GABRB2: variants seen among roughly 807,000 people sequenced by gnomAD.
GABRB2 encodes gamma-aminobutyric acid receptor subunit beta-2.
GABRB2 carries 16 observed loss-of-function variants against 54.7 expected under a neutral mutation model. That is an observed-to-expected ratio of 0.29 (90% CI 0.20 to 0.44). The LOEUF (loss-of-function observed/expected upper bound fraction) is 0.44. GABRB2 is among the 20% of genes least tolerant of loss of function. The probability of loss-of-function intolerance (pLI) is 1.00; values close to 1 mark genes in which losing one functional copy is unlikely to be tolerated. For missense variants in GABRB2, 355 were observed against 644.0 expected (o/e 0.55, Z 4.86); for synonymous variants, 244 against 233.8 (o/e 1.04, Z -0.40).
At chr5:161,329,354 T>C (rs905330374) in intron 8 of GABRB2, 2 of 114,682 alleles carry the variant, frequency 1.7e-5, no homozygotes, top group Non-Finnish European at 3.8e-5. Flanking sequence ...AGAACCATAA[T>C]GGTAAATTGT....
At chr5:161,460,495 C>T (rs1385493546) in intron 3 of GABRB2, among the ~76,000 whole-genome samples, 1 of 152,080 alleles carries the variant, frequency 6.6e-6, no homozygotes, top group Non-Finnish European at 1.5e-5. Flanking sequence ...GGAATAATTA[C>T]CTAATGATTA....
Position 161,289,209 on chromosome 5 carries a change from C to T in GABRB2, c.*4872G>A, listed in dbSNP as rs1475037014. ...ATATTTTACTTCAATTTCCAAAAACCTAGTAGCTTTTTAAGAGTGCTGCTT... is the reference window on the plus strand; with the variant it reads ...ATATTTTACTTCAATTTCCAAAAACTTAGTAGCTTTTTAAGAGTGCTGCTT... On this transcript the variant is annotated 3_prime_UTR_variant, in exon 10 of 10. Transcript: ENST00000393959. 7.9e-6 allele frequency: 1 copy of T among 126,596 alleles called. No individual in the cohort carries two copies. The highest frequency in any genetic ancestry group is 1.6e-5 in the Non-Finnish European group (1 of 63,498). The allele number at this position is 126,596 out of a possible 1,614,324, so 7.8% of individuals were successfully genotyped here. A position where few individuals can be genotyped will look rare whatever the true frequency, so the allele number is the denominator to read the frequency against.
intron 9 of GABRB2, among the ~76,000 whole-genome samples, chr5:161,325,815 C>T (rs2100108725): frequency 6.6e-6 from 1 of 152,056 alleles, no homozygotes; most frequent in South Asian, 2.1e-4. Context: ...TGGTAAACAA[C>T]AATGTCAATT....
chr5:161,294,471 CT>C, intron 9 of GABRB2, 43 bp from the exon 10 acceptor site: 14 of 1,545,840 alleles, frequency 9.1e-6, no homozygotes, highest in Non-Finnish European at 1.2e-5. Context: ...AACAATGAAG[CT>C]TTACAGGTGC....
intron 5 of GABRB2, among the ~76,000 whole-genome samples, chr5:161,344,977 A>G (rs1045412213): frequency 6.6e-6 from 1 of 152,068 alleles, no homozygotes; most frequent in Non-Finnish European, 1.5e-5. Context: ...TCTCACTCAT[A>G]AGTGGGAGTT....
chr5:161,492,499 G>A (rs1358029811), intron 3 of GABRB2, among the ~76,000 whole-genome samples: 5 of 151,540 alleles, frequency 3.3e-5, no homozygotes, highest in South Asian at 2.1e-4. Flanking sequence ...CACGTCACAC[G>A]GCTACCAGGG....
At chr5:161,399,289 A>G (rs1053654231) in intron 5 of GABRB2, among the ~76,000 whole-genome samples, 3 of 151,964 alleles carry the variant, frequency 2.0e-5, no homozygotes, top group Non-Finnish European at 2.9e-5. Flanking sequence ...CAGCTTAGCC[A>G]CTCTGCTTGA....
chr5:161,500,330 C>T (rs1205394727), intron 3 of GABRB2, among the ~76,000 whole-genome samples: 1 of 151,938 alleles, frequency 6.6e-6, no homozygotes, highest in Non-Finnish European at 1.5e-5. Flanking sequence ...TTTTTTTCCA[C>T]CCACATATAA....
intron 3 of GABRB2, among the ~76,000 whole-genome samples, chr5:161,477,903 T>C (rs1418823452): frequency 6.6e-6 from 1 of 151,984 alleles, no homozygotes; most frequent in Non-Finnish European, 1.5e-5. Flanking sequence ...TATGTGTATG[T>C]AATAACACCA....
At chr5:161,328,430 T>C (rs969016068) in intron 8 of GABRB2, among the ~76,000 whole-genome samples, 1 of 152,220 alleles carries the variant, frequency 6.6e-6, no homozygotes, top group African/African-American at 2.4e-5. Flanking sequence ...CACAATTATG[T>C]TCATGAGTAA....
chr5:161,437,469 C>A (rs1580985468), intron 4 of GABRB2, among the ~76,000 whole-genome samples: 1 of 151,982 alleles, frequency 6.6e-6, no homozygotes. Context: ...ACTGAAGACC[C>A]TTTGGGCCCT....
intron 3 of GABRB2, among the ~76,000 whole-genome samples, chr5:161,509,138 C>G (rs192575820): frequency 4.0e-5 from 6 of 151,810 alleles, no homozygotes; most frequent in African/African-American, 1.5e-4. Context: ...ACATAAAACA[C>G]GGCATGGAAA....
chr5:161,462,144 C>G (rs1011053524), intron 3 of GABRB2, among the ~76,000 whole-genome samples: 1 of 152,140 alleles, frequency 6.6e-6, no homozygotes, highest in Non-Finnish European at 1.5e-5. Flanking sequence ...TCTATCCTAT[C>G]AAAAGACATA....
At chr5:161,377,716 A>T (rs1264456311) in intron 5 of GABRB2, among the ~76,000 whole-genome samples, 3 of 152,082 alleles carry the variant, frequency 2.0e-5, no homozygotes, top group Non-Finnish European at 2.9e-5. Flanking sequence ...ACTTGTTTTC[A>T]CCAACTTATG....
intron 5 of GABRB2, among the ~76,000 whole-genome samples, chr5:161,376,462 G>T (rs1266010345): frequency 2.0e-5 from 3 of 151,834 alleles, no homozygotes; most frequent in Non-Finnish European, 4.4e-5. Context: ...CATGTGAAAA[G>T]ACGAGAAAAA....
chr5:161,376,819 T>C (rs187813846), intron 5 of GABRB2, among the ~76,000 whole-genome samples: 26 of 152,132 alleles, frequency 1.7e-4, no homozygotes, highest in African/African-American at 6.0e-4. Flanking sequence ...GCAAGGCAAA[T>C]GGGCCATGTG....
chr5:161,385,695 C>T (rs964413857), intron 5 of GABRB2, among the ~76,000 whole-genome samples: 1 of 152,148 alleles, frequency 6.6e-6, no homozygotes. Flanking sequence ...TATTGGGTGA[C>T]ACAAACATGA....
chr5:161,456,827 C>T (rs1757967921), intron 4 of GABRB2, among the ~76,000 whole-genome samples: 1 of 152,140 alleles, frequency 6.6e-6, no homozygotes, highest in African/African-American at 2.4e-5. Context: ...ACAAACTTCT[C>T]ACTACATTGT....
intron 4 of GABRB2, among the ~76,000 whole-genome samples, chr5:161,450,092 GCAATA>G (rs1487962690): frequency 1.3e-5 from 2 of 152,238 alleles, no homozygotes; most frequent in Middle Eastern, 3.4e-3. Context: ...CTTCAGGCCT[GCAATA>G]TAAAATCCCT....
Sources: allele counts gnomAD v4.1 joint callset (sites outside exome capture counted in the v4.1 genomes callset), GRCh38; gene constraint gnomAD v4.1.1; transcripts MANE v1.5; gene names NCBI Gene and HGNC (gene_info 2026-07-23, HGNC 2026-07-21).